TENM3: variants seen among roughly 807,000 people sequenced by gnomAD.
TENM3 encodes the protein teneurin transmembrane protein 3.
In TENM3, 63 loss-of-function variants were observed where a neutral mutation model predicts 255.1. The observed-to-expected ratio is 0.25, with a 90% CI of 0.20 to 0.30. TENM3 has a LOEUF of 0.30. Among genes scored for constraint, TENM3 ranks in the 10% least tolerant of loss-of-function variants. The pLI is 1.00. For synonymous variants in TENM3, 1,306 were observed against 1,322.3 expected (o/e 0.99, Z 0.27); for missense variants, 2,929 against 3,461.1 (o/e 0.85, Z 3.86).
In TENM3 at chr4:182,624,822, A is replaced by G. The variant is rs552860379; in HGVS notation, c.750-3829A>G. Among the ~76,000 whole-genome samples the G allele has an allele frequency of 2.0e-5, 3 of 152,324 alleles. No homozygotes were observed. In the South Asian group the frequency reaches 6.2e-4, roughly 32 times the overall value. On this transcript the variant is annotated intron_variant, in intron 4 of 27. Coordinates refer to ENST00000511685, the MANE Select transcript of TENM3 (RefSeq NM_001080477.4). ...ACAGAAAGGGAAAAAAGTCAGGAGG[A>G]AAAAACATGCTTTCAATAGTACTTC...
intron 22 of TENM3, among the ~76,000 whole-genome samples, chr4:182,771,527 A>T (rs1764217479): frequency 6.6e-6 from 1 of 151,972 alleles, no homozygotes; most frequent in Non-Finnish European, 1.5e-5. Context: ...ACAATACAGA[A>T]TTCTCCTATG....
chr4:181,923,034 G>T, the TENM3 span, among the ~76,000 whole-genome samples: 1 of 152,148 alleles, frequency 6.6e-6, no homozygotes, highest in South Asian at 2.1e-4. Context: ...TTTCCATGTA[G>T]TTGAGCGGCT....
At chr4:182,295,101 A>T (rs1761380205) in intron 1 of TENM3, among the ~76,000 whole-genome samples, 1 of 152,096 alleles carries the variant, frequency 6.6e-6, no homozygotes, top group Non-Finnish European at 1.5e-5. Flanking sequence ...TGTGAATGCT[A>T]AATGATTTTA....
intron 2 of TENM3, among the ~76,000 whole-genome samples, chr4:182,325,111 A>C (rs1763304805): frequency 6.6e-6 from 1 of 152,222 alleles, no homozygotes; most frequent in East Asian, 1.9e-4. Flanking sequence ...TATAATTTAC[A>C]TATAACTTAG....
At chr4:182,449,046 G>T in intron 3 of TENM3, 1 of 372,380 alleles carries the variant, frequency 2.7e-6, no homozygotes, top group South Asian at 1.8e-5. Flanking sequence ...CGCTGGGCTC[G>T]GTTCCTCACG....
chr4:182,103,566 A>T, the TENM3 span, among the ~76,000 whole-genome samples: 1 of 152,174 alleles, frequency 6.6e-6, no homozygotes, highest in Non-Finnish European at 1.5e-5. Flanking sequence ...TATTAGGTAA[A>T]GCCCTACACA....
At chr4:181,578,296 C>T in the TENM3 span, among the ~76,000 whole-genome samples, 7 of 152,220 alleles carry the variant, frequency 4.6e-5, no homozygotes, top group African/African-American at 1.7e-4. Flanking sequence ...GTCTGCACTG[C>T]TTCTCCCTGG....
the TENM3 span, among the ~76,000 whole-genome samples, chr4:181,506,652 G>A: frequency 2.0e-5 from 3 of 151,712 alleles, no homozygotes; most frequent in African/African-American, 7.3e-5. Flanking sequence ...CACCATGCAT[G>A]TCACAGAGTA....
the TENM3 span, among the ~76,000 whole-genome samples, chr4:181,614,019 A>AT: frequency 1.3e-5 from 2 of 151,850 alleles, no homozygotes; most frequent in African/African-American, 4.8e-5. Flanking sequence ...AAGCATAGTT[A>AT]TTTTTTTACC....
chr4:181,481,123 T>TA, the TENM3 span, among the ~76,000 whole-genome samples: 851 of 94,108 alleles, frequency 9.0e-3, 4 homozygotes, highest in African/African-American at 0.023. Flanking sequence ...TAGAGTTTTA[T>TA]AAGAAAAAAA....
intron 3 of TENM3, among the ~76,000 whole-genome samples, chr4:182,445,504 G>T (rs543658380): frequency 1.2e-4 from 19 of 152,078 alleles, no homozygotes; most frequent in Non-Finnish European, 2.6e-4. Context: ...GTTACAATTC[G>T]ATTTTTCTTC....
chr4:181,728,247 G>T, the TENM3 span, among the ~76,000 whole-genome samples: 1 of 152,082 alleles, frequency 6.6e-6, no homozygotes, highest in Non-Finnish European at 1.5e-5. Context: ...ACGGGAAAGG[G>T]GTCCCTATCC....
the TENM3 span, among the ~76,000 whole-genome samples, chr4:182,123,818 A>T: frequency 6.6e-6 from 1 of 152,188 alleles, no homozygotes; most frequent in African/African-American, 2.4e-5. Flanking sequence ...AATTTGTAAA[A>T]TATGTGATTT....
upstream of TENM3, among the ~76,000 whole-genome samples, chr4:182,241,742 C>T (rs1025339831): frequency 2.6e-5 from 4 of 151,892 alleles, no homozygotes; most frequent in African/African-American, 9.7e-5. Flanking sequence ...CTCCTGACCT[C>T]GTGATCCACC....
chr4:182,583,649 T>C lies in TENM3; in HGVS notation c.512-17275T>C, dbSNP rs185863555. Among the ~76,000 whole-genome samples the C allele has an allele frequency of 2.4e-3, 363 of 152,228 alleles. 1 individual carries two copies. Among genetic ancestry groups the C allele is most frequent in the African/African-American group, 8.4e-3 (350 of 41,558 alleles). On this transcript the variant is annotated intron_variant, in intron 3 of 27. Coordinates refer to ENST00000511685, the MANE Select transcript of TENM3 (RefSeq NM_001080477.4). The stretch of plus-strand genomic sequence containing the variant: ...TCTATTTTTAATTCTAGATCTTTGA[T>C]ATATGAAAATGACTTGTATTTGAAG...
the TENM3 span, among the ~76,000 whole-genome samples, chr4:181,972,138 C>T: frequency 1.8e-3 from 279 of 151,910 alleles, 1 homozygote; most frequent in African/African-American, 6.4e-3. Context: ...TAATAAAGAA[C>T]GGGCCAGATG....
At chr4:181,541,237 G>A in the TENM3 span, among the ~76,000 whole-genome samples, 10,861 of 151,936 alleles carry the variant, frequency 0.071, 1,163 homozygotes, top group African/African-American at 0.23. Context: ...AATATAAAAA[G>A]CCAGGCATGG....
the TENM3 span, among the ~76,000 whole-genome samples, chr4:182,100,810 C>CAT: frequency 3.3e-3 from 21 of 6,332 alleles, no homozygotes; most frequent in African/African-American, 0.012. Flanking sequence ...TATATATACA[C>CAT]ATATATATAC....
At chr4:182,185,163 T>C (rs1047995850) in intron 1 of TENM3, among the ~76,000 whole-genome samples, 5 of 151,880 alleles carry the variant, frequency 3.3e-5, no homozygotes. Flanking sequence ...TGGCTTGGGG[T>C]GTCTTCCATC....
Sources: allele counts gnomAD v4.1 joint callset (sites outside exome capture counted in the v4.1 genomes callset), GRCh38; gene constraint gnomAD v4.1.1; transcripts MANE v1.5; gene names NCBI Gene and HGNC (gene_info 2026-07-23, HGNC 2026-07-21).